DNAH1: variants seen among roughly 807,000 people sequenced by gnomAD.
DNAH1 encodes axonemal beta dynein heavy chain 1.
Under a neutral mutation model 484.3 loss-of-function variants are expected in DNAH1, and 327 were observed. That is an observed-to-expected ratio of 0.68 (90% CI 0.62 to 0.74). The LOEUF (loss-of-function observed/expected upper bound fraction) is 0.74. DNAH1 is among the 30% of genes least tolerant of loss of function. The pLI is 0.00. For missense variants in DNAH1, 5,052 were observed against 5,546.8 expected (o/e 0.91, Z 2.83); for synonymous variants, 2,192 against 2,191.9 (o/e 1.00, Z 0.00).
intron 22 of DNAH1, 141 bp from the exon 23 acceptor site, chr3:52,357,473 G>A (rs921021282): frequency 4.5e-6 from 5 of 1,111,586 alleles, no homozygotes; most frequent in Admixed American, 5.5e-5. Context: ...TGCAGCCACT[G>A]GCTCAGGGAG....
At position 52,364,811 on chromosome 3, in the gene DNAH1, G is replaced by T. The variant is rs748137758; in HGVS notation, c.5332-22G>T. 48 of 1,610,372 alleles carry T rather than the reference G, an allele frequency of 3.0e-5. No homozygotes were observed. Among genetic ancestry groups the T allele is most frequent in the Non-Finnish European group, 4.0e-5 (47 of 1,177,288 alleles). ...GGGCAGCTGGCCCACTGCCCTGAAG[G>T]CTCAGCCGGCACCTGCTGCAGGAGC... On this transcript the variant is annotated intron_variant, in intron 33 of 77. Coordinates refer to ENST00000420323, the MANE Select transcript of DNAH1 (RefSeq NM_015512.5). This position sits in a 1 kb window ranked among gnomAD's most constrained non-coding sequence, Gnocchi z 4.2.
chr3:52,315,620 C>G (rs941231013), upstream of DNAH1, among the ~76,000 whole-genome samples: 1 of 152,250 alleles, frequency 6.6e-6, no homozygotes, highest in Non-Finnish European at 1.5e-5. Context: ...GAAACCTAGT[C>G]CTCCCATTTC....
chr3:52,341,869 T>C (rs895108804), intron 8 of DNAH1, among the ~76,000 whole-genome samples: 3 of 152,072 alleles, frequency 2.0e-5, no homozygotes, highest in African/African-American at 7.2e-5. Context: ...GAAGTACCCA[T>C]CTTGTGCCAG....
intron 32 of DNAH1, 92 bp downstream of exon 32, chr3:52,363,236 C>A: frequency 1.3e-6 from 2 of 1,515,362 alleles, no homozygotes; most frequent in South Asian, 1.2e-5. Flanking sequence ...GCTCTATGCC[C>A]GGTGCTTTAC....
rs749000098 is a variant in DNAH1 at position 52,359,998 on chromosome 3, T to G, written c.4490T>G (p.Val1497Gly). The G allele has an allele frequency of 7.7e-5, 124 of 1,613,782 alleles. No individual in the cohort carries two copies. The highest frequency in any genetic ancestry group is 9.9e-5 in the Non-Finnish European group (117 of 1,179,900). Residue 1497 changes from valine to glycine, a missense_variant, in exon 27 of 78, where the codon GTC becomes GGC. By Grantham distance (109) the Val-to-Gly change is moderately radical. This residue lies in a region of DNAH1 where 2,929 missense variants were observed against 3,409.4 expected (regional missense o/e 0.86). Coordinates refer to ENST00000420323, the MANE Select transcript of DNAH1 (RefSeq NM_015512.5). ...AVLSALIVIE[V>G]HAKDVVSKLI... is the part of the protein sequence containing the mutation. ...CTGTCAGCGCTAATCGTCATTGAGG[T>G]CCATGCCAAGGACGTGGTGAGCAAG...
At chr3:52,374,276 AAAG>A (rs1578167063) in intron 44 of DNAH1, 4 of 1,525,318 alleles carry the variant, frequency 2.6e-6, no homozygotes, top group Admixed American at 1.7e-5. Flanking sequence ...CTTACCACTA[AAAG>A]AAGAACACAA....
rs377327173 is a variant in DNAH1 at position 52,326,899 on chromosome 3, G to C, written c.738+8G>C. 61 of 1,610,258 alleles carry C rather than the reference G, an allele frequency of 3.8e-5. No homozygotes were observed. The highest frequency in any genetic ancestry group is 5.0e-5 in the Non-Finnish European group (59 of 1,177,962). ...ATCTACCTCCCACTGAAGGTGAGCCGGGCTTCCACAGATGGTTGAGAGACA... is the reference window on the plus strand; with the variant it reads ...ATCTACCTCCCACTGAAGGTGAGCCCGGCTTCCACAGATGGTTGAGAGACA... On this transcript the variant is annotated splice_region_variant and intron_variant, in intron 5 of 77. Transcript: ENST00000420323.
At position 52,395,406 on chromosome 3, in the gene DNAH1, G is replaced by A; in HGVS notation, c.11067G>A (p.Lys3689=). Residue 3689 remains lysine, a synonymous_variant, in exon 69 of 78, where the codon AAG becomes AAA. Coordinates refer to ENST00000420323, the MANE Select transcript of DNAH1 (RefSeq NM_015512.5). The surrounding 1 kb of genome is among the most constrained non-coding windows in gnomAD (Gnocchi z 4.4). ...PGTDPAADLY[K]FAEEMKFSKK... is the part of the protein sequence containing the mutation. Reference sequence around the variant, plus strand: ...CAGACCCTGCTGCCGACCTCTACAAGTTTGCCGAAGAAATGAAGTTCTCCA... The same window carrying A: ...CAGACCCTGCTGCCGACCTCTACAAATTTGCCGAAGAAATGAAGTTCTCCA... The A allele has an allele frequency of 6.2e-7, 1 of 1,613,898 alleles. No homozygotes were observed. The highest frequency in any genetic ancestry group is 1.1e-5 in the South Asian group (1 of 91,082).
Position 52,333,353 on chromosome 3 carries a change from T to TTTTTC in DNAH1, c.1286+970_1286+974dup, listed in dbSNP as rs1182386671. Among the ~76,000 whole-genome samples the TTTTTC allele has an allele frequency of 3.3e-5, 5 of 152,072 alleles. No individual in the cohort carries two copies. In the East Asian group the frequency reaches 9.7e-4, roughly 29 times the overall value. ...ATGATAGTTTGACTTACCATTTTTCTTTTTCTTTTCTTTTCCTTTTCTTTT... is the reference window on the plus strand; with the variant it reads ...ATGATAGTTTGACTTACCATTTTTCTTTTTCTTTTCTTTTCTTTTCCTTTTCTTTT... On this transcript the variant is annotated intron_variant, in intron 8 of 77. Transcript: ENST00000420323.
chr3:52,359,176 C>A, intron 25 of DNAH1, 70 bp from the exon 26 acceptor site: 1 of 1,529,840 alleles, frequency 6.5e-7, no homozygotes, highest in Non-Finnish European at 8.8e-7. Flanking sequence ...AGACAGCATT[C>A]AGAGGAAGAA....
rs778849377 is a variant in DNAH1 at position 52,388,614 on chromosome 3, G to T, written c.9363+5G>T. 5 of 1,611,902 alleles carry T rather than the reference G, an allele frequency of 3.1e-6. No homozygotes were observed. Among genetic ancestry groups the T allele is most frequent in the Non-Finnish European group, 4.2e-6 (5 of 1,179,454 alleles). ...CGGCTGGGCCGAGCTGGCAAGGTGC[G>T]CACCCTCCTCCTGCAAGGCCTGCAA... On this transcript the variant is annotated splice_donor_5th_base_variant and intron_variant, in intron 58 of 77. Transcript: ENST00000420323.
Position 52,361,695 on chromosome 3 carries a change from C to T in DNAH1, c.4909C>T (p.Arg1637Cys), listed in dbSNP as rs764544419. The T allele has an allele frequency of 1.2e-5, 19 of 1,610,792 alleles. No individual in the cohort carries two copies. The highest frequency in any genetic ancestry group is 4.5e-5 in the East Asian group (2 of 44,774). The change falls in exon 30 of 78, where the codon CGC (arginine) becomes TGC (cysteine). Residue 1637 changes from arginine (R) to cysteine (C), a missense_variant. Arg to Cys is a radical substitution (Grantham distance 180). Around this residue, in one of 4 missense-constraint regions of DNAH1, gnomAD observed 2,929 missense variants for 3,409.4 expected, o/e 0.86. Coordinates refer to ENST00000420323, the MANE Select transcript of DNAH1 (RefSeq NM_015512.5). This position sits in a 1 kb window ranked among gnomAD's most constrained non-coding sequence, Gnocchi z 5.6. ...GAWACFDEFNRIDIEVLSVVA... is the reference protein window; with the variant it reads ...GAWACFDEFNCIDIEVLSVVA... The stretch of plus-strand genomic sequence containing the variant: ...CTGGGCCTGCTTCGACGAGTTCAAT[C>T]GCATCGACATCGAGGTGCTGTCTGT...
rs1466697253 is a variant in DNAH1 at position 52,344,476 on chromosome 3, A to G, written c.1287-14A>G. On this transcript the variant is annotated splice_polypyrimidine_tract_variant and intron_variant, in intron 8 of 77. Transcript: ENST00000420323. Reference sequence around the variant, plus strand: ...GGAGCCCCTGATTCCCCCATCTCCCATCTCTATGGGCAGGGTTCTAGAGCA... The same window carrying G: ...GGAGCCCCTGATTCCCCCATCTCCCGTCTCTATGGGCAGGGTTCTAGAGCA... 2 of 1,610,488 alleles carry G rather than the reference A, an allele frequency of 1.2e-6. No homozygotes were observed. The highest frequency in any genetic ancestry group is 1.3e-5 in the African/African-American group (1 of 74,986).
In DNAH1 at chr3:52,394,972, C is replaced by T. The variant is rs11708581; in HGVS notation, c.10881C>T (p.Val3627=). The change falls in exon 68 of 78, where the codon GTC becomes GTT. Residue 3627 remains valine (V), a synonymous_variant. Transcript: ENST00000420323. ...QYLDQFQKLL[V]LRCLRGDKVT... Reference sequence around the variant, plus strand: ...TAGACCAGTTCCAGAAGCTGCTAGTCCTCCGCTGCCTGCGTGGGGACAAGG... The same window carrying T: ...TAGACCAGTTCCAGAAGCTGCTAGTTCTCCGCTGCCTGCGTGGGGACAAGG... The T allele has an allele frequency of 6.2e-7, 1 of 1,612,990 alleles. No individual in the cohort carries two copies. The highest frequency in any genetic ancestry group is 1.3e-5 in the African/African-American group (1 of 75,056).
rs1702857771 is a variant in DNAH1 at position 52,361,545 on chromosome 3, T to C, written c.4875-116T>C. On this transcript the variant is annotated intron_variant, in intron 29 of 77. Transcript: ENST00000420323. The surrounding 1 kb of genome is among the most constrained non-coding windows in gnomAD (Gnocchi z 5.6). ...GGCAGTGGGTTGAAGACTGAGCTGA[T>C]GGAGATTGCCCCTGAGGGCTTCCTC... 6.2e-6 allele frequency: 8 copies of C among 1,282,810 alleles called. No homozygotes were observed. The East Asian group carries it at 2.0e-4, about 33-fold the overall frequency. The allele number at this position is 1,282,810 out of a possible 1,614,324, so 79.5% of individuals were successfully genotyped here. A position where few individuals can be genotyped will look rare whatever the true frequency, so the allele number is the denominator to read the frequency against.
chr3:52,352,838 C>A, intron 18 of DNAH1, 131 bp downstream of exon 18: 2 of 1,368,318 alleles, frequency 1.5e-6, no homozygotes, highest in Non-Finnish European at 1.9e-6. Flanking sequence ...GTGGAGATAG[C>A]CCAACCCTGG....
rs997468485 is a variant in DNAH1 at position 52,358,947 on chromosome 3, A to T, written c.4266+210A>T. Among the ~76,000 whole-genome samples the T allele has an allele frequency of 6.6e-6, 1 of 151,786 alleles. No individual in the cohort carries two copies. Among genetic ancestry groups the T allele is most frequent in the Non-Finnish European group, 1.5e-5 (1 of 67,934 alleles). On this transcript the variant is annotated intron_variant, in intron 25 of 77. Transcript: ENST00000420323. This position sits in a 1 kb window ranked among gnomAD's most constrained non-coding sequence, Gnocchi z 4.2. ...CGGGATGGCTGTTCTGGTTCCCAGC[A>T]CTCACTGGGTGCCAGGCTCCAGGCT...
chr3:52,388,788 A>T lies in DNAH1; in HGVS notation c.9364-18A>T. 6.2e-7 allele frequency: 1 copy of T among 1,612,596 alleles called. No individual in the cohort carries two copies. Among genetic ancestry groups the T allele is most frequent in the Non-Finnish European group, 8.5e-7 (1 of 1,179,748 alleles). On this transcript the variant is annotated intron_variant, in intron 58 of 77. Coordinates refer to ENST00000420323, the MANE Select transcript of DNAH1 (RefSeq NM_015512.5). Reference sequence around the variant, plus strand: ...AGCCCAGCCTCCCAGAGCCCACCCCACGGGGCTGCCCCTCCAGCTCATCAA... The same window carrying T: ...AGCCCAGCCTCCCAGAGCCCACCCCTCGGGGCTGCCCCTCCAGCTCATCAA...
At chr3:52,392,214 A>G (rs927774879) in intron 63 of DNAH1, among the ~76,000 whole-genome samples, 1 of 152,192 alleles carries the variant, frequency 6.6e-6, no homozygotes, top group Non-Finnish European at 1.5e-5. Flanking sequence ...CCGCTCACAC[A>G]TCCAACTGCT....
Sources: allele counts gnomAD v4.1 joint callset (sites outside exome capture counted in the v4.1 genomes callset), GRCh38; gene constraint gnomAD v4.1.1; regional missense constraint gnomAD v4.1.1; non-coding constraint Gnocchi (gnomAD v3.1); transcripts MANE v1.5; gene names NCBI Gene and HGNC (gene_info 2026-07-23, HGNC 2026-07-21).